The following EYS variants were observed in gnomAD, a reference collection of about 807,000 sequenced individuals.
EYS encodes EGF-like photoreceptor maintenance factor, also known as protein eyes shut homolog.
A neutral mutation model predicts 282.1 loss-of-function variants in EYS; 250 were observed. That is an observed-to-expected ratio of 0.89 (90% confidence interval 0.80 to 0.98). The LOEUF (loss-of-function observed/expected upper bound fraction) is 0.98, where lower values mean the gene tolerates loss of function less well. EYS is among the 50% of genes least tolerant of loss of function. The pLI is 0.00. For missense variants in EYS, 4,016 were observed against 3,709.0 expected, an observed-to-expected ratio of 1.08 and a Z score of -2.15; for synonymous variants, 1,355 against 1,282.9, an observed-to-expected ratio of 1.06 and a Z score of -1.20.
intron 26 of EYS, among the ~76,000 whole-genome samples, chr6:64,574,886 G>C (rs181473694): frequency 5.3e-4 from 81 of 152,080 alleles, no homozygotes; most frequent in Admixed American, 1.6e-3. Context: ...TGATCTAAAA[G>C]AACACAATTT....
intron 13 of EYS, among the ~76,000 whole-genome samples, chr6:65,036,297 A>T (rs530292087): frequency 6.6e-6 from 1 of 151,904 alleles, no homozygotes; most frequent in South Asian, 2.1e-4. Flanking sequence ...CTGAAACTTG[A>T]CCCCTTACCT....
intron 5 of EYS, among the ~76,000 whole-genome samples, chr6:65,453,328 C>A (rs990689207): frequency 2.0e-5 from 3 of 151,894 alleles, no homozygotes; most frequent in African/African-American, 7.2e-5. Context: ...ATAATCTCAG[C>A]TTATGTATTT....
intron 12 of EYS, among the ~76,000 whole-genome samples, chr6:65,139,612 C>T (rs1484501053): frequency 6.6e-6 from 1 of 152,084 alleles, no homozygotes; most frequent in Non-Finnish European, 1.5e-5. Flanking sequence ...TACAGACCCG[C>T]TCCCACCCTC....
intron 26 of EYS, among the ~76,000 whole-genome samples, chr6:64,487,023 T>A (rs1244775706): frequency 6.6e-6 from 1 of 151,306 alleles, no homozygotes; most frequent in African/African-American, 2.4e-5. Context: ...CAAGCTTTTT[T>A]CCTCATACAC....
chr6:64,262,721 C>T (rs138924361), intron 30 of EYS, among the ~76,000 whole-genome samples: 8 of 151,962 alleles, frequency 5.3e-5, no homozygotes, highest in Admixed American at 3.9e-4. Flanking sequence ...CTTTTAGTTT[C>T]GTTTTCTTTT....
At chr6:64,090,334 A>G (rs1772312136) in intron 31 of EYS, among the ~76,000 whole-genome samples, 1 of 152,170 alleles carries the variant, frequency 6.6e-6, no homozygotes, top group Admixed American at 6.5e-5. Context: ...AGCCTGACTT[A>G]ACATATTCAT....
chr6:65,317,777 T>TCTTCCTTCCTCCCTTCCTTC (rs1769333572), intron 11 of EYS, among the ~76,000 whole-genome samples: 1 of 57,392 alleles, frequency 1.7e-5, no homozygotes, highest in Admixed American at 1.6e-4. Context: ...CTACATTTTC[T>TCTTCCTTCCTCCCTTCCTTC]CTTCCTTCCT....
intron 22 of EYS, chr6:64,729,069 T>C (rs537694460): frequency 1.3e-5 from 2 of 152,786 alleles, no homozygotes; most frequent in South Asian, 2.1e-4. Flanking sequence ...CTGGGGTTTT[T>C]ATGGGCACAG....
chr6:64,385,396 A>C (rs1028357225), intron 29 of EYS, among the ~76,000 whole-genome samples: 3 of 152,312 alleles, frequency 2.0e-5, no homozygotes, highest in African/African-American at 4.8e-5. Context: ...GGGCTGACAT[A>C]AAATCTTTCA....
chr6:64,585,455 G>GTATCTAAAATAAATGTTGAACACTC (rs1412029739), intron 26 of EYS, among the ~76,000 whole-genome samples: 2 of 152,024 alleles, frequency 1.3e-5, no homozygotes, highest in East Asian at 3.9e-4. Flanking sequence ...CATACCCACT[G>GTATCTAAAATAAATGTTGAACACTC]TATCTAAAAT....
chr6:65,489,039 G>A (rs1489450167), intron 5 of EYS, among the ~76,000 whole-genome samples: 1 of 152,074 alleles, frequency 6.6e-6, no homozygotes, highest in Non-Finnish European at 1.5e-5. Context: ...GGAAAACCTG[G>A]GGAATACCAT....
At chr6:64,464,202 T>C (rs189679749) in intron 26 of EYS, among the ~76,000 whole-genome samples, 2 of 152,296 alleles carry the variant, frequency 1.3e-5, no homozygotes, top group African/African-American at 2.4e-5. Flanking sequence ...AAAAATCATG[T>C]GATCATCTCA....
At chr6:65,281,580 G>T (rs1768220934) in intron 12 of EYS, among the ~76,000 whole-genome samples, 2 of 152,138 alleles carry the variant, frequency 1.3e-5, no homozygotes, top group South Asian at 4.1e-4. Context: ...TCACATAAAT[G>T]TACATTTGAA....
chr6:65,094,228 A>G (rs1447533777), intron 12 of EYS, among the ~76,000 whole-genome samples: 1 of 150,456 alleles, frequency 6.6e-6, no homozygotes, highest in East Asian at 2.0e-4. Flanking sequence ...TAAAGCAAAC[A>G]TGACTTATAT....
At chr6:64,622,021 A>C (rs1319130241) in intron 23 of EYS, among the ~76,000 whole-genome samples, 1 of 152,312 alleles carries the variant, frequency 6.6e-6, no homozygotes, top group Non-Finnish European at 1.5e-5. Flanking sequence ...CTGAATACCT[A>C]TATTGATACT....
Position 64,227,369 on chromosome 6 carries a change from G to GT in EYS, c.6424+3222dup, listed in dbSNP as rs201875346. Among the ~76,000 whole-genome samples, 380 of 150,842 alleles carry GT rather than the reference G, an allele frequency of 2.5e-3. 1 individual carries two copies. The highest frequency in any genetic ancestry group is 5.9e-3 in the African/African-American group (241 of 41,164). On this transcript the variant is annotated intron_variant, in intron 31 of 42. Coordinates refer to ENST00000503581, the MANE Select transcript of EYS (RefSeq NM_001142800.2). ...AACTCTCTTTTCTTCCTAAAGCAAA[G>GT]TTTTTTTTTCATAAACAGATGACAG...
At chr6:65,492,332 G>GAAAGAAAC (rs35400995) in intron 4 of EYS, among the ~76,000 whole-genome samples, 1,911 of 149,916 alleles carry the variant, frequency 0.013, 36 homozygotes, top group African/African-American at 0.044. Flanking sequence ...AAGAAAGAAA[G>GAAAGAAAC]AAACAAACAA....
At chr6:63,805,707 G>C (rs966797345) in intron 37 of EYS, among the ~76,000 whole-genome samples, 9 of 152,158 alleles carry the variant, frequency 5.9e-5, no homozygotes, top group South Asian at 2.1e-4. Context: ...ATTAAATCAT[G>C]GGGGTGGTTT....
In EYS at chr6:65,494,662, C is replaced by T. The variant is rs1766169568; in HGVS notation, c.748+1G>A. On this transcript the variant is annotated splice_donor_variant, in intron 4 of 42. Coordinates refer to ENST00000503581, the MANE Select transcript of EYS (RefSeq NM_001142800.2). LOFTEE classifies it high-confidence loss of function. ...AAATTATATATTTTAAACAATCTTA[C>T]CTGTAAATGGTGGGTGACAGACACA... 3 of 1,553,454 alleles carry T rather than the reference C, an allele frequency of 1.9e-6. No homozygotes were observed. The highest frequency in any genetic ancestry group is 2.6e-6 in the Non-Finnish European group (3 of 1,146,714).
Sources: allele counts gnomAD v4.1 joint callset (sites outside exome capture counted in the v4.1 genomes callset), GRCh38; gene constraint gnomAD v4.1.1; transcripts MANE v1.5; gene names NCBI Gene and HGNC (gene_info 2026-07-23, HGNC 2026-07-21).